UNC5D: variants seen among roughly 807,000 people sequenced by gnomAD.
The protein encoded by UNC5D is netrin receptor UNC5D.
Under a neutral mutation model 105.4 loss-of-function variants are expected in UNC5D, and 39 were observed. The observed-to-expected ratio is 0.37, with a 90% CI of 0.29 to 0.48. The LOEUF (loss-of-function observed/expected upper bound fraction) is 0.48, where lower values mean the gene tolerates loss of function less well. Among genes scored for constraint, UNC5D ranks in the 20% least tolerant of loss-of-function variants. The pLI is 0.98. For synonymous variants in UNC5D, 452 were observed against 450.4 expected (o/e 1.00, Z -0.04); for missense variants, 991 against 1,202.4 (o/e 0.82, Z 2.60).
At chr8:35,578,726 C>G (rs1292434574) in intron 3 of UNC5D, among the ~76,000 whole-genome samples, 2 of 152,094 alleles carry the variant, frequency 1.3e-5, no homozygotes, top group African/African-American at 4.8e-5. Flanking sequence ...GACTCTGGTT[C>G]TAGGAACAGA....
chr8:35,734,643 C>T (rs983115066), intron 11 of UNC5D, among the ~76,000 whole-genome samples: 3 of 152,126 alleles, frequency 2.0e-5, no homozygotes, highest in Non-Finnish European at 4.4e-5. Context: ...CTCCCGACCT[C>T]AGGTGATACG....
intron 1 of UNC5D, among the ~76,000 whole-genome samples, chr8:35,547,891 C>T (rs1002778281): frequency 1.3e-5 from 2 of 152,112 alleles, no homozygotes; most frequent in Non-Finnish European, 2.9e-5. Flanking sequence ...TGAGGTCCCA[C>T]AATAGGCCGT....
At chr8:35,754,126 C>A (rs1326067115) in intron 13 of UNC5D, among the ~76,000 whole-genome samples, 1 of 152,176 alleles carries the variant, frequency 6.6e-6, no homozygotes, top group Non-Finnish European at 1.5e-5. Flanking sequence ...CCTTTTTGAA[C>A]CCCTAAAAGA....
intron 4 of UNC5D, among the ~76,000 whole-genome samples, chr8:35,665,029 T>C (rs1824340240): frequency 6.6e-6 from 1 of 152,092 alleles, no homozygotes; most frequent in Non-Finnish European, 1.5e-5. Context: ...AGACAGGGTC[T>C]TGTTTTGTTG....
At chr8:35,367,972 G>T (rs1802219213) in intron 1 of UNC5D, among the ~76,000 whole-genome samples, 1 of 152,068 alleles carries the variant, frequency 6.6e-6, no homozygotes, top group Admixed American at 6.5e-5. Flanking sequence ...TTATTAGCAA[G>T]CAGGTTTCTT....
At chr8:35,296,720 C>T (rs1252867511) in intron 1 of UNC5D, among the ~76,000 whole-genome samples, 5 of 152,052 alleles carry the variant, frequency 3.3e-5, no homozygotes, top group South Asian at 2.1e-4. Context: ...CATGCCTGGC[C>T]GTGGTAAGTA....
At chr8:35,287,268 G>T (rs372266150) in intron 1 of UNC5D, among the ~76,000 whole-genome samples, 2 of 152,124 alleles carry the variant, frequency 1.3e-5, no homozygotes, top group African/African-American at 4.8e-5. Context: ...TTGTGTAATA[G>T]ACCCAGAATA....
At chr8:35,268,361 T>C (rs1000665436) in intron 1 of UNC5D, among the ~76,000 whole-genome samples, 2 of 152,152 alleles carry the variant, frequency 1.3e-5, no homozygotes, top group African/African-American at 4.8e-5. Flanking sequence ...GAAATGTAGT[T>C]CTTTTGGTCT....
Position 35,748,660 on chromosome 8 carries a change from C to T in UNC5D, c.1900C>T (p.His634Tyr), listed in dbSNP as rs1430969466. ...ADVSSEHWNI[H>Y]LKKRTQQGKW... ...TGTCAGTTCTGAGCATTGGAATATCCATTTAAAGAAGAGGACACAGCAGGG... is the reference window on the plus strand; with the variant it reads ...TGTCAGTTCTGAGCATTGGAATATCTATTTAAAGAAGAGGACACAGCAGGG... The change falls in exon 12 of 17, where the codon CAT becomes TAT. Residue 634 changes from histidine to tyrosine, a missense_variant. Transcript: ENST00000404895. 1.2e-6 allele frequency: 2 copies of T among 1,613,856 alleles called. No individual in the cohort carries two copies. The highest frequency in any genetic ancestry group is 2.2e-5 in the East Asian group (1 of 44,858).
At chr8:35,702,421 C>A (rs564084339) in intron 7 of UNC5D, among the ~76,000 whole-genome samples, 1 of 151,910 alleles carries the variant, frequency 6.6e-6, no homozygotes, top group South Asian at 2.1e-4. Flanking sequence ...TGAAAAGCTC[C>A]CCAGGTGATT....
At chr8:35,566,740 A>T (rs924976600) in intron 2 of UNC5D, among the ~76,000 whole-genome samples, 2 of 152,208 alleles carry the variant, frequency 1.3e-5, no homozygotes, top group African/African-American at 4.8e-5. Context: ...AAGAGCGCAT[A>T]GGTTCGAGAC....
At chr8:35,470,529 G>T (rs1809629462) in intron 1 of UNC5D, among the ~76,000 whole-genome samples, 1 of 150,406 alleles carries the variant, frequency 6.6e-6, no homozygotes, top group South Asian at 2.1e-4. Context: ...GCTGAGGTGG[G>T]ATGATCACCT....
chr8:35,674,275 C>T (rs996094693), intron 4 of UNC5D, among the ~76,000 whole-genome samples: 2 of 152,078 alleles, frequency 1.3e-5, no homozygotes, highest in Admixed American at 6.6e-5. Context: ...TTGCAAAGAG[C>T]CAACAGTCGT....
intron 1 of UNC5D, among the ~76,000 whole-genome samples, chr8:35,510,055 A>G (rs949827901): frequency 1.3e-5 from 2 of 152,116 alleles, no homozygotes; most frequent in Non-Finnish European, 2.9e-5. Flanking sequence ...GTGTCCAGCA[A>G]CCTGGAGGCT....
At chr8:35,356,684 G>A (rs545959606) in intron 1 of UNC5D, among the ~76,000 whole-genome samples, 1 of 151,840 alleles carries the variant, frequency 6.6e-6, no homozygotes, top group African/African-American at 2.4e-5. Flanking sequence ...TCACTTAAAG[G>A]AAGAACTTAA....
intron 4 of UNC5D, among the ~76,000 whole-genome samples, chr8:35,641,368 A>C (rs1253510795): frequency 3.1e-4 from 41 of 133,180 alleles, no homozygotes; most frequent in African/African-American, 1.1e-3. Flanking sequence ...AAATAAAGCA[A>C]AAAAAAAAAA....
intron 1 of UNC5D, among the ~76,000 whole-genome samples, chr8:35,356,729 G>A (rs1168005046): frequency 1.3e-5 from 2 of 151,760 alleles, no homozygotes; most frequent in East Asian, 3.9e-4. Context: ...TTGCCTGCAT[G>A]ACTATTTTTG....
At chr8:35,289,090 C>A (rs1806838075) in intron 1 of UNC5D, among the ~76,000 whole-genome samples, 1 of 152,030 alleles carries the variant, frequency 6.6e-6, no homozygotes, top group African/African-American at 2.4e-5. Flanking sequence ...GAAATAAGAT[C>A]TAACCCCATC....
chr8:35,494,170 CT>C (rs1371765526), intron 1 of UNC5D, among the ~76,000 whole-genome samples: 3 of 152,022 alleles, frequency 2.0e-5, no homozygotes, highest in Non-Finnish European at 4.4e-5. Flanking sequence ...TACAAACTAC[CT>C]TTTCTGTGAA....
Sources: allele counts gnomAD v4.1 joint callset (sites outside exome capture counted in the v4.1 genomes callset), GRCh38; gene constraint gnomAD v4.1.1; transcripts MANE v1.5; gene names NCBI Gene and HGNC (gene_info 2026-07-23, HGNC 2026-07-21).